Variants in FAM222B observed in about 807,000 individuals in gnomAD.
FAM222B encodes family with sequence similarity 222 member B, also known as protein FAM222B.
In FAM222B, 12 loss-of-function variants were observed where a neutral mutation model predicts 38.0. The ratio of observed to expected loss-of-function variants is 0.32; its 90% CI spans 0.20 to 0.51. The LOEUF (loss-of-function observed/expected upper bound fraction) is 0.51, where lower values mean the gene tolerates loss of function less well. FAM222B is among the 20% of genes least tolerant of loss of function. FAM222B has a pLI of 0.97. For missense variants in FAM222B, 716 were observed against 754.2 expected (o/e 0.95, Z 0.59); for synonymous variants, 329 against 317.2 (o/e 1.04, Z -0.40).
intron 1 of FAM222B, among the ~76,000 whole-genome samples, chr17:28,811,157 T>C (rs1416958091): frequency 6.6e-6 from 1 of 152,188 alleles, no homozygotes; most frequent in African/African-American, 2.4e-5. Flanking sequence ...AATGCCCATT[T>C]AGGCCAGGCG....
chr17:28,761,760 T>A (rs2037882836), intron 2 of FAM222B, among the ~76,000 whole-genome samples: 1 of 152,194 alleles, frequency 6.6e-6, no homozygotes, highest in Admixed American at 6.5e-5. Context: ...AAAACAGGTC[T>A]GTGCTTTCAA....
At chr17:28,813,514 A>C (rs944192705) in intron 1 of FAM222B, among the ~76,000 whole-genome samples, 2 of 150,104 alleles carry the variant, frequency 1.3e-5, no homozygotes, top group African/African-American at 4.9e-5. Flanking sequence ...CCTGATTTTG[A>C]CAGTTGTTTC....
intron 1 of FAM222B, among the ~76,000 whole-genome samples, chr17:28,842,378 C>G (rs886233167): frequency 1.3e-5 from 2 of 152,094 alleles, no homozygotes; most frequent in African/African-American, 4.8e-5. Context: ...CACCCTCCCC[C>G]CGCAATCATT....
At chr17:28,815,147 G>A (rs1014721288) in intron 1 of FAM222B, among the ~76,000 whole-genome samples, 3 of 151,644 alleles carry the variant, frequency 2.0e-5, no homozygotes, top group South Asian at 2.1e-4. Context: ...ACACCAATCC[G>A]TCAACAGTAG....
chr17:28,790,951 T>A (rs866667194), intron 1 of FAM222B, among the ~76,000 whole-genome samples: 1 of 130,020 alleles, frequency 7.7e-6, no homozygotes, highest in East Asian at 2.5e-4. Flanking sequence ...CAGGCTGGAG[T>A]GCAGTGGCGA....
intron 1 of FAM222B, among the ~76,000 whole-genome samples, chr17:28,792,504 G>C (rs954062649): frequency 6.6e-6 from 1 of 151,582 alleles, no homozygotes; most frequent in Non-Finnish European, 1.5e-5. Flanking sequence ...AAACAAGTTG[G>C]GCGCAGTGGC....
Position 28,831,508 on chromosome 17 carries a change from T to C in FAM222B, c.-41+11174A>G, listed in dbSNP as rs796884555. 5.4e-5 allele frequency among the ~76,000 whole-genome samples: 8 copies of C among 148,506 alleles called. No homozygotes were observed. In the South Asian group the frequency reaches 1.1e-3, roughly 20 times the overall value. On this transcript the variant is annotated intron_variant, in intron 1 of 2. Transcript: ENST00000581407. ...TTAGAATTAGCTTGTCAAAGGCTTT[T>C]TTTTTTTTTTTTTTTTGATACAGGG...
chr17:28,828,095 ATTTTTTTTTTTTTTTTTT>A (rs528492764), intron 1 of FAM222B, among the ~76,000 whole-genome samples: 7 of 74,694 alleles, frequency 9.4e-5, no homozygotes, highest in African/African-American at 2.7e-4. Flanking sequence ...ATCAAATCCA[ATTTTTTTTTTTTTTTTTT>A]TTTTTTTTTT....
Position 28,838,297 on chromosome 17 carries a change from T to C in FAM222B, c.-41+4385A>G, listed in dbSNP as rs193146804. Among the ~76,000 whole-genome samples the C allele has an allele frequency of 1.4e-4, 20 of 147,634 alleles. No individual in the cohort carries two copies. In the East Asian group the frequency reaches 3.5e-3, roughly 26 times the overall value. On this transcript the variant is annotated intron_variant, in intron 1 of 2. Coordinates refer to ENST00000581407, the MANE Select transcript of FAM222B (RefSeq NM_001077498.3). The stretch of plus-strand genomic sequence containing the variant: ...GACCCTGTCTCAAAAAAACAACAAA[T>C]AGGCCGGGCGCGGTGGCTCACGCCT...
At chr17:28,825,673 C>T (rs988647896) in intron 1 of FAM222B, among the ~76,000 whole-genome samples, 1 of 152,274 alleles carries the variant, frequency 6.6e-6, no homozygotes, top group African/African-American at 2.4e-5. Flanking sequence ...ATCTTAAATG[C>T]CATATCCTTA....
chr17:28,814,198 A>G (rs2037927793), intron 1 of FAM222B, among the ~76,000 whole-genome samples: 1 of 151,888 alleles, frequency 6.6e-6, no homozygotes, highest in Admixed American at 6.6e-5. Flanking sequence ...AAAAGAAAAG[A>G]AAAAGAAAAC....
At chr17:28,851,928 TGTA>T (rs2039184753) in intron 1 of FAM222B, among the ~76,000 whole-genome samples, 1 of 150,704 alleles carries the variant, frequency 6.6e-6, no homozygotes, top group Non-Finnish European at 1.5e-5. Context: ...CAGGCACATC[TGTA>T]GTCCCAGCTA....
In FAM222B at chr17:28,758,213, G is replaced by C. The variant is rs1356380169; in HGVS notation, c.*57C>G. The C allele has an allele frequency of 8.6e-6, 12 of 1,389,206 alleles. No homozygotes were observed. The highest frequency in any genetic ancestry group is 5.8e-5 in the African/African-American group (4 of 69,048). 86.1% of individuals were successfully genotyped at this position (1,389,206 alleles called of 1,614,324 possible). ...TTTGAAACTATCCAGTTACTTAAAA[G>C]ACTAAACCTAGGAGGGTGATGTATG... On this transcript the variant is annotated 3_prime_UTR_variant, in exon 3 of 3. Coordinates refer to ENST00000581407, the MANE Select transcript of FAM222B (RefSeq NM_001077498.3).
At chr17:28,804,670 A>G (rs568941501) in intron 1 of FAM222B, among the ~76,000 whole-genome samples, 58 of 152,254 alleles carry the variant, frequency 3.8e-4, no homozygotes, top group South Asian at 4.1e-4. Flanking sequence ...TAAATAAAAC[A>G]AACTGTCCCA....
At chr17:28,784,765 G>A (rs1325302822) in intron 1 of FAM222B, among the ~76,000 whole-genome samples, 1 of 152,042 alleles carries the variant, frequency 6.6e-6, no homozygotes, top group Admixed American at 6.6e-5. Flanking sequence ...AGGAGATGGA[G>A]GTTGCAGTGA....
At chr17:28,820,416 T>C (rs2038167584) in intron 1 of FAM222B, among the ~76,000 whole-genome samples, 1 of 152,200 alleles carries the variant, frequency 6.6e-6, no homozygotes, top group Non-Finnish European at 1.5e-5. Flanking sequence ...ACTGCAACAA[T>C]CACCTAATCC....
At chr17:28,760,259 C>T (rs1464531778) in intron 2 of FAM222B, among the ~76,000 whole-genome samples, 2 of 152,042 alleles carry the variant, frequency 1.3e-5, no homozygotes, top group East Asian at 1.9e-4. Context: ...GAGAGGTAAC[C>T]GAGAGTTCTC....
intron 1 of FAM222B, among the ~76,000 whole-genome samples, chr17:28,837,841 C>G (rs1174429469): frequency 6.6e-6 from 1 of 152,108 alleles, no homozygotes; most frequent in Non-Finnish European, 1.5e-5. Flanking sequence ...TTAGCAGAGA[C>G]GGGGTTTCAC....
At position 28,758,311 on chromosome 17, in the gene FAM222B, C is replaced by G; in HGVS notation, c.1648G>C (p.Glu550Gln). 6.2e-7 allele frequency: 1 copy of G among 1,606,724 alleles called. No homozygotes were observed. Among genetic ancestry groups the G allele is most frequent in the Non-Finnish European group, 8.5e-7 (1 of 1,176,720 alleles). Reference protein sequence around the residue: ...APGNRAPDPTESRSLHIQHPG... With the variant: ...APGNRAPDPTQSRSLHIQHPG... ...TGCTGAATATGAAGACTTCGACTCT[C>G]TGTGGGATCGGGGGCTCGGTTGCCA... The change falls in exon 3 of 3, where the codon GAG (glutamate) becomes CAG (glutamine). Residue 550 changes from glutamate to glutamine, a missense_variant. Transcript: ENST00000581407.
Sources: allele counts gnomAD v4.1 joint callset (sites outside exome capture counted in the v4.1 genomes callset), GRCh38; gene constraint gnomAD v4.1.1; transcripts MANE v1.5; gene names NCBI Gene and HGNC (gene_info 2026-07-23, HGNC 2026-07-21).